Variants in THOC1 observed in about 807,000 individuals in gnomAD.
The protein encoded by THOC1 is THO complex subunit 1.
Under a neutral mutation model 97.3 loss-of-function variants are expected in THOC1, and 29 were observed. The ratio of observed to expected loss-of-function variants is 0.30; its 90% CI spans 0.22 to 0.41. THOC1 has a LOEUF of 0.41. Among genes scored for constraint, THOC1 ranks in the 10% least tolerant of loss-of-function variants. THOC1 has a pLI of 1.00. For missense variants in THOC1, 529 were observed against 761.9 expected, an observed-to-expected ratio of 0.69 and a Z score of 3.60; for synonymous variants, 255 against 257.0, an observed-to-expected ratio of 0.99 and a Z score of 0.07.
At chr18:233,483 G>A (rs1911564322) in intron 11 of THOC1, among the ~76,000 whole-genome samples, 1 of 152,192 alleles carries the variant, frequency 6.6e-6, no homozygotes, top group Non-Finnish European at 1.5e-5. Context: ...TTACTCGGGA[G>A]GCTGAGGCAA....
Position 214,531 on chromosome 18 carries a change from A to ATGTT in THOC1, c.*91_*94dup, listed in dbSNP as rs1349843975. 1.5e-5 allele frequency: 15 copies of ATGTT among 980,216 alleles called. No individual in the cohort carries two copies. Among genetic ancestry groups the ATGTT allele is most frequent in the South Asian group, 5.0e-5 (3 of 60,386 alleles). The allele number at this position is 980,216 out of a possible 1,614,324, so 60.7% of individuals were successfully genotyped here. A position where few individuals can be genotyped will look rare whatever the true frequency, so the allele number is the denominator to read the frequency against. ...CGACTGTACAACAATTGTTATAAAA[A>ATGTT]TGTTTATTGTTTACCAAAACCAGTG... On this transcript the variant is annotated 3_prime_UTR_variant, in exon 21 of 21. Transcript: ENST00000261600.
chr18:237,170 T>C (rs935586237), intron 11 of THOC1, among the ~76,000 whole-genome samples: 4 of 151,012 alleles, frequency 2.6e-5, no homozygotes, highest in Non-Finnish European at 4.4e-5. Context: ...TTTTTTTTTT[T>C]TTTTTTTGAG....
intron 19 of THOC1, 67 bp downstream of exon 19, chr18:216,419 C>T: frequency 6.5e-7 from 1 of 1,548,214 alleles, no homozygotes; most frequent in Non-Finnish European, 8.8e-7. Flanking sequence ...TTTTTGCTCA[C>T]ATAGTGACAG....
intron 11 of THOC1, among the ~76,000 whole-genome samples, chr18:235,033 G>A (rs1911625698): frequency 6.6e-6 from 1 of 150,472 alleles, no homozygotes; most frequent in South Asian, 2.1e-4. Flanking sequence ...CATTCAAAAA[G>A]TGTCATTCTG....
intron 16 of THOC1, 138 bp from the exon 17 acceptor site, chr18:223,643 T>C (rs1911169014): frequency 1.6e-6 from 1 of 644,168 alleles, no homozygotes; most frequent in Non-Finnish European, 2.6e-6. Context: ...TTCTCAATAA[T>C]TTTTGGTATT....
At chr18:248,414 A>G (rs1912164363) in intron 9 of THOC1, among the ~76,000 whole-genome samples, 1 of 152,180 alleles carries the variant, frequency 6.6e-6, no homozygotes, top group African/African-American at 2.4e-5. Flanking sequence ...ATGGAAGAAG[A>G]AGGTAGAAGA....
chr18:249,610 C>G (rs914950901), intron 9 of THOC1, among the ~76,000 whole-genome samples: 1 of 149,794 alleles, frequency 6.7e-6, no homozygotes, highest in African/African-American at 2.5e-5. Context: ...TGCAGTGAGC[C>G]GAGATCACAG....
intron 10 of THOC1, among the ~76,000 whole-genome samples, 182 bp from the exon 11 acceptor site, chr18:246,637 T>C (rs1239636040): frequency 2.0e-5 from 3 of 152,110 alleles, no homozygotes; most frequent in Non-Finnish European, 4.4e-5. Context: ...TTGTATGATA[T>C]TTCACTTGTT....
At chr18:228,550 AAAC>A (rs1911376726) in intron 11 of THOC1, among the ~76,000 whole-genome samples, 1 of 152,140 alleles carries the variant, frequency 6.6e-6, no homozygotes, top group South Asian at 2.1e-4. Flanking sequence ...AAATCACCAA[AAAC>A]AACCAACACA....
At chr18:237,861 T>C (rs1029202232) in intron 11 of THOC1, among the ~76,000 whole-genome samples, 1 of 152,084 alleles carries the variant, frequency 6.6e-6, no homozygotes, top group Non-Finnish European at 1.5e-5. Context: ...TAAATTTAAA[T>C]AGTATTCCTT....
intron 11 of THOC1, among the ~76,000 whole-genome samples, chr18:239,494 C>CA (rs1567849762): frequency 6.6e-6 from 1 of 152,076 alleles, no homozygotes; most frequent in African/African-American, 2.4e-5. Context: ...TTAGTACAGA[C>CA]AGAGTTTCGC....
At chr18:237,827 A>C (rs619107) in intron 11 of THOC1, among the ~76,000 whole-genome samples, 1 of 152,196 alleles carries the variant, frequency 6.6e-6, no homozygotes, top group Non-Finnish European at 1.5e-5. Flanking sequence ...ATGTGTAAAC[A>C]ATTGTATAAA....
chr18:236,636 T>G (rs967147886), intron 11 of THOC1, among the ~76,000 whole-genome samples: 5 of 152,080 alleles, frequency 3.3e-5, no homozygotes, highest in Non-Finnish European at 7.4e-5. Context: ...GTGCTGGGAT[T>G]ACAGGCGTGA....
rs1910906231 is a variant in THOC1, at chr18:216,774, G to A, written c.1455-141C>T. ...TTTGTATTTGAATCTTATTCCTAAA[G>A]AACTTTTCAGTATGTAGTCCACTGA... On this transcript the variant is annotated intron_variant, in intron 18 of 20. Coordinates refer to ENST00000261600, the MANE Select transcript of THOC1 (RefSeq NM_005131.3). 1.0e-5 allele frequency: 12 copies of A among 1,177,456 alleles called. 1 individual carries two copies. In the South Asian group the frequency reaches 3.1e-4, roughly 31 times the overall value. The allele number at this position is 1,177,456 out of a possible 1,614,324, so 72.9% of individuals were successfully genotyped here.
At chr18:237,951 CTGCCTCCCAGGTTCAATGGATCCCCA>C (rs1166393122) in intron 11 of THOC1, among the ~76,000 whole-genome samples, 49 of 152,186 alleles carry the variant, frequency 3.2e-4, no homozygotes, top group Admixed American at 7.9e-4. Context: ...ACCGCAACCT[CTGCCTCCCAGGTTCAATGGATCCCCA>C]TGCCTCCGCC....
At chr18:266,218 A>G (rs1214989462) in intron 1 of THOC1, among the ~76,000 whole-genome samples, 2 of 152,248 alleles carry the variant, frequency 1.3e-5, no homozygotes, top group African/African-American at 4.8e-5. Flanking sequence ...ATACACTTAG[A>G]AAGTCATCTT....
At position 216,444 on chromosome 18, in the gene THOC1, A is replaced by G. The variant is rs764200142; in HGVS notation, c.1602+42T>C. 4 of 1,583,088 alleles carry G rather than the reference A, an allele frequency of 2.5e-6. No individual in the cohort carries two copies. In the South Asian group the frequency reaches 3.5e-5, roughly 14 times the overall value. Reference sequence around the variant, plus strand: ...CATAGTGACAGCAATTTTAAAGAAGATGTCAACTAAAGGGTATGAAAAGTT... The same window carrying G: ...CATAGTGACAGCAATTTTAAAGAAGGTGTCAACTAAAGGGTATGAAAAGTT... On this transcript the variant is annotated intron_variant, in intron 19 of 20. Transcript: ENST00000261600.
In THOC1 at chr18:214,917, A is replaced by G. The variant is rs1397258074; in HGVS notation, c.1683T>C (p.Pro561=). 5 of 1,613,310 alleles carry G rather than the reference A, an allele frequency of 3.1e-6. No homozygotes were observed. The highest frequency in any genetic ancestry group is 4.2e-6 in the Non-Finnish European group (5 of 1,179,610). ...NDALLKENES[P]DVRRDKPVTG... is the part of the protein sequence containing the mutation. ...TTACAGGTTTGTCTCGCCGAACATC[A>G]GGACCTAGAAAATGAAGAGAATATA... The change falls in exon 21 of 21, where the codon CCT becomes CCC. Residue 561 remains proline, a synonymous_variant. Coordinates refer to ENST00000261600, the MANE Select transcript of THOC1 (RefSeq NM_005131.3).
chr18:216,472 T>A lies in THOC1; in HGVS notation c.1602+14A>T. The A allele has an allele frequency of 6.2e-7, 1 of 1,611,742 alleles. No homozygotes were observed. Among genetic ancestry groups the A allele is most frequent in the East Asian group, 2.2e-5 (1 of 44,840 alleles). On this transcript the variant is annotated intron_variant, in intron 19 of 20. Coordinates refer to ENST00000261600, the MANE Select transcript of THOC1 (RefSeq NM_005131.3). ...TCAACTAAAGGGTATGAAAAGTTGA[T>A]CTATGGTACTTACCGGTAATTCCTT... is the stretch of plus-strand genomic sequence containing the variant.
Sources: gnomAD v4.1 joint callset for allele counts (sites outside exome capture counted in the v4.1 genomes callset) on GRCh38, gnomAD v4.1.1 for gene constraint, MANE v1.5 for transcripts, NCBI Gene and HGNC (gene_info 2026-07-23, HGNC 2026-07-21) for gene names.